Variants in COL5A2 observed in about 807,000 individuals in gnomAD.
The protein encoded by COL5A2 is collagen alpha-2(V) chain.
A neutral mutation model predicts 208.2 loss-of-function variants in COL5A2; 23 were observed. The ratio of observed to expected loss-of-function variants is 0.11; its 90% CI spans 0.08 to 0.16. The LOEUF (loss-of-function observed/expected upper bound fraction) is 0.16. Among genes scored for constraint, COL5A2 ranks in the 10% least tolerant of loss-of-function variants. COL5A2 has a pLI of 1.00. For synonymous variants in COL5A2, 625 were observed against 628.5 expected (o/e 0.99, Z 0.08); for missense variants, 1,590 against 1,956.4 (o/e 0.81, Z 3.53).
chr2:189,427,328 G>GTT, the COL5A2 span, among the ~76,000 whole-genome samples: 147 of 152,348 alleles, frequency 9.6e-4, no homozygotes, highest in Non-Finnish European at 1.9e-3. Flanking sequence ...GAGTCCAAGA[G>GTT]TTGAGGCTTG....
chr2:189,134,477 T>C (rs1687787230), intron 1 of COL5A2, among the ~76,000 whole-genome samples: 1 of 152,096 alleles, frequency 6.6e-6, no homozygotes, highest in Admixed American at 6.6e-5. Context: ...TAATCCCAGC[T>C]ACTCGGGAGG....
chr2:189,227,186 A>G (rs1689432427), upstream of COL5A2, among the ~76,000 whole-genome samples: 1 of 152,110 alleles, frequency 6.6e-6, no homozygotes, highest in South Asian at 2.1e-4. Context: ...CCAGACACCA[A>G]CACAAATGGG....
At chr2:189,198,998 T>C (rs1323352896) in intron 1 of COL5A2, among the ~76,000 whole-genome samples, 1 of 152,198 alleles carries the variant, frequency 6.6e-6, no homozygotes, top group Non-Finnish European at 1.5e-5. Flanking sequence ...TTCCCTAAAA[T>C]TCTATAACAC....
At chr2:189,108,969 GTT>G (rs5837126) in intron 2 of COL5A2, among the ~76,000 whole-genome samples, 17,554 of 139,628 alleles carry the variant, frequency 0.13, 1,049 homozygotes, top group Middle Eastern at 0.19. Flanking sequence ...ACTTTATTAA[GTT>G]TTTTTTTTTT....
chr2:189,336,785 G>A, the COL5A2 span, among the ~76,000 whole-genome samples: 1 of 152,108 alleles, frequency 6.6e-6, no homozygotes, highest in African/African-American at 2.4e-5. Flanking sequence ...TGACTGTACA[G>A]GTTTGCACAA....
intron 1 of COL5A2, among the ~76,000 whole-genome samples, chr2:189,209,667 T>G (rs963190256): frequency 6.6e-6 from 1 of 152,170 alleles, no homozygotes; most frequent in Non-Finnish European, 1.5e-5. Flanking sequence ...CAACAATATT[T>G]GGATGCTAAT....
chr2:189,186,681 A>G (rs996185658), intron 1 of COL5A2, among the ~76,000 whole-genome samples: 1 of 152,196 alleles, frequency 6.6e-6, no homozygotes, highest in African/African-American at 2.4e-5. Context: ...TCTTAGCTTA[A>G]GCTCCATCAC....
chr2:189,386,358 T>TA, the COL5A2 span, among the ~76,000 whole-genome samples: 1 of 152,084 alleles, frequency 6.6e-6, no homozygotes, highest in East Asian at 1.9e-4. Context: ...ATGTAAGATC[T>TA]AAAACTATAA....
chr2:189,241,707 T>C, the COL5A2 span, among the ~76,000 whole-genome samples: 77 of 152,166 alleles, frequency 5.1e-4, no homozygotes, highest in Non-Finnish European at 9.7e-4. Flanking sequence ...AAAATATTTT[T>C]CCCAATATCC....
At chr2:189,383,885 C>T in the COL5A2 span, among the ~76,000 whole-genome samples, 1 of 152,060 alleles carries the variant, frequency 6.6e-6, no homozygotes, top group Non-Finnish European at 1.5e-5. Context: ...TACTCATTAA[C>T]TAAACACTCT....
chr2:189,319,110 A>C, the COL5A2 span, among the ~76,000 whole-genome samples: 12 of 152,266 alleles, frequency 7.9e-5, no homozygotes, highest in Non-Finnish European at 1.8e-4. Flanking sequence ...ATATTAAAAC[A>C]AACATGGATA....
At chr2:189,339,286 G>A in the COL5A2 span, among the ~76,000 whole-genome samples, 1 of 151,448 alleles carries the variant, frequency 6.6e-6, no homozygotes, top group South Asian at 2.1e-4. Context: ...TGGAAGCGGA[G>A]GTTACAGTGA....
chr2:189,322,361 A>T, the COL5A2 span, among the ~76,000 whole-genome samples: 1 of 152,174 alleles, frequency 6.6e-6, no homozygotes, highest in Non-Finnish European at 1.5e-5. Flanking sequence ...GACACAAAAA[A>T]CCCTTCAAAA....
rs1688516743 is a variant in COL5A2 at position 189,168,617 on chromosome 2, G to A, written c.97+10891C>T. 2.0e-5 allele frequency among the ~76,000 whole-genome samples: 3 copies of A among 152,152 alleles called. No homozygotes were observed. In the South Asian group the frequency reaches 6.2e-4, roughly 32 times the overall value. On this transcript the variant is annotated intron_variant, in intron 1 of 53. Transcript: ENST00000374866. ...TCTGAGAGGTTCTTCTACCTCAAGA[G>A]CAAATAAGCCTATTACTATGAAAGC...
At position 189,080,049 on chromosome 2, in the gene COL5A2, A is replaced by G. The variant is rs1384177825; in HGVS notation, c.907-18T>C. The G allele has an allele frequency of 4.4e-6, 7 of 1,604,216 alleles. No homozygotes were observed. Among genetic ancestry groups the G allele is most frequent in the Non-Finnish European group, 3.4e-6 (4 of 1,171,488 alleles). On this transcript the variant is annotated intron_variant, in intron 13 of 53. Transcript: ENST00000374866. ...TTGTGTCCCTGAGAATAAAAATGTA[A>G]ATTTGTATTTGTATCCTGTTTTTTT...
Position 189,065,183 on chromosome 2 carries a change from A to C in COL5A2, c.1564-126T>G, listed in dbSNP as rs985178386. The stretch of plus-strand genomic sequence containing the variant: ...CATCATCAAGCCAACATGGCTATAG[A>C]TATGCATGAGAAAAATCTGACTCGA... On this transcript the variant is annotated intron_variant, in intron 23 of 53. Coordinates refer to ENST00000374866, the MANE Select transcript of COL5A2 (RefSeq NM_000393.5). 4 of 834,912 alleles carry C rather than the reference A, an allele frequency of 4.8e-6. No homozygotes were observed. The African/African-American group carries it at 6.8e-5, about 14-fold the overall frequency. 51.7% of individuals were successfully genotyped at this position (834,912 alleles called of 1,614,324 possible).
intron 12 of COL5A2, 35 bp from the exon 13 acceptor site, chr2:189,081,078 C>A (rs1686524110): frequency 6.3e-7 from 1 of 1,580,128 alleles, no homozygotes; most frequent in South Asian, 1.1e-5. Flanking sequence ...ATTTTACAGT[C>A]ATTAATAAGG....
the COL5A2 span, among the ~76,000 whole-genome samples, chr2:189,419,913 G>GAGA: frequency 7.1e-6 from 1 of 140,202 alleles, no homozygotes; most frequent in African/African-American, 2.7e-5. Flanking sequence ...AGAGGAGGAG[G>GAGA]AGAAGAAGGA....
the COL5A2 span, among the ~76,000 whole-genome samples, chr2:189,253,873 T>A: frequency 3.9e-5 from 6 of 152,258 alleles, no homozygotes; most frequent in Non-Finnish European, 7.3e-5. Context: ...TGTGAGACCC[T>A]TCCCCACTGC....
Sources: gnomAD v4.1 joint callset for allele counts (sites outside exome capture counted in the v4.1 genomes callset) on GRCh38, gnomAD v4.1.1 for gene constraint, MANE v1.5 for transcripts, NCBI Gene and HGNC (gene_info 2026-07-23, HGNC 2026-07-21) for gene names.